Variants in IL1R1 observed in about 807,000 individuals in gnomAD.
IL1R1 encodes the protein interleukin 1 receptor type 1, also known as interleukin-1 receptor type 1.
A neutral mutation model predicts 50.2 loss-of-function variants in IL1R1; 22 were observed. The ratio of observed to expected loss-of-function variants is 0.44; its 90% CI spans 0.31 to 0.63. The LOEUF is 0.63. Ranked by LOEUF, IL1R1 falls within the 20% of genes least tolerant of loss-of-function variation. The pLI is 0.07. For missense variants in IL1R1, 509 were observed against 676.2 expected (o/e 0.75, Z 2.74); for synonymous variants, 251 against 236.7 (o/e 1.06, Z -0.55).
intron 1 of IL1R1, among the ~76,000 whole-genome samples, chr2:102,092,278 GCA>G (rs781048561): frequency 2.9e-4 from 44 of 151,984 alleles, no homozygotes; most frequent in Admixed American, 1.5e-3. Flanking sequence ...CGGGAGGCTG[GCA>G]ATCATCAATT....
exon 1 of IL1R1, chr2:102,104,771 G>A (rs2104346050): frequency 6.6e-6 from 1 of 152,308 alleles, no homozygotes; most frequent in South Asian, 2.1e-4. Flanking sequence ...CAGCTCAGCA[G>A]GCTTCATTTG....
At chr2:102,112,170 G>T (rs1680800981) in intron 1 of IL1R1, among the ~76,000 whole-genome samples, 1 of 152,066 alleles carries the variant, frequency 6.6e-6, no homozygotes, top group African/African-American at 2.4e-5. Context: ...GGTCTTGGTG[G>T]CTCTAAGCCC....
In IL1R1 at chr2:102,157,635, G is replaced by T. The variant is rs55990028; in HGVS notation, c.-6-84G>T. On this transcript the variant is annotated intron_variant, in intron 2 of 11. Coordinates refer to ENST00000410023, the MANE Select transcript of IL1R1 (RefSeq NM_000877.4). ...TGTGGGTGAGGGTGGGGACAGGGCC[G>T]GTGTTGGTATATTTAGTTTTAGAGA... The T allele has an allele frequency of 1.7e-5, 14 of 810,700 alleles. No individual in the cohort carries two copies. In the East Asian group the frequency reaches 3.6e-4, roughly 21 times the overall value. 50.2% of individuals were successfully genotyped at this position (810,700 alleles called of 1,614,324 possible). A position where few individuals can be genotyped will look rare whatever the true frequency, so the allele number is the denominator to read the frequency against.
chr2:102,130,747 C>T (rs972281573), intron 1 of IL1R1, among the ~76,000 whole-genome samples: 4 of 152,184 alleles, frequency 2.6e-5, no homozygotes, highest in Non-Finnish European at 5.9e-5. Context: ...TAAAGAATCT[C>T]AGGCATCTTC....
At chr2:102,102,033 G>T (rs1161345551), upstream of IL1R1, among the ~76,000 whole-genome samples, 1 of 152,164 alleles carries the variant, frequency 6.6e-6, no homozygotes, top group Non-Finnish European at 1.5e-5. Flanking sequence ...AAACAGTGCA[G>T]ATTCCTCCAA....
intron 1 of IL1R1, among the ~76,000 whole-genome samples, chr2:102,135,899 A>G (rs1171133365): frequency 1.3e-5 from 2 of 152,190 alleles, no homozygotes; most frequent in Non-Finnish European, 2.9e-5. Context: ...AAAATAATTT[A>G]AATAGTCATG....
chr2:102,166,594 A>G (rs1447636122), intron 6 of IL1R1, among the ~76,000 whole-genome samples: 2 of 152,152 alleles, frequency 1.3e-5, no homozygotes, highest in East Asian at 1.9e-4. Context: ...TCTGGCTGGT[A>G]TATGGGAATG....
chr2:102,088,486 T>G (rs969068196), intron 1 of IL1R1, among the ~76,000 whole-genome samples: 1 of 152,198 alleles, frequency 6.6e-6, no homozygotes, highest in African/African-American at 2.4e-5. Flanking sequence ...AACCATGCTG[T>G]AAACAGATGT....
chr2:102,117,574 G>A (rs760321774), intron 1 of IL1R1, among the ~76,000 whole-genome samples: 2 of 152,148 alleles, frequency 1.3e-5, no homozygotes, highest in African/African-American at 2.4e-5. Flanking sequence ...CTGAATATCC[G>A]TCCTAATTTT....
intron 5 of IL1R1, 142 bp downstream of exon 5, chr2:102,165,446 G>T (rs1423490123): frequency 6.6e-6 from 3 of 456,230 alleles, no homozygotes; most frequent in Non-Finnish European, 1.1e-5. Context: ...AACCTAAAAA[G>T]AATTGTAAGA....
intron 1 of IL1R1, among the ~76,000 whole-genome samples, chr2:102,136,959 A>G (rs918908729): frequency 1.3e-5 from 2 of 152,220 alleles, no homozygotes; most frequent in African/African-American, 4.8e-5. Context: ...AACACTAGAA[A>G]CAAAATCATT....
chr2:102,077,697 G>A (rs1679032394), intron 1 of IL1R1, among the ~76,000 whole-genome samples: 1 of 152,062 alleles, frequency 6.6e-6, no homozygotes, highest in Admixed American at 6.5e-5. Flanking sequence ...TGGATCGTAG[G>A]CATTGTGAGT....
rs563100400 is a variant in IL1R1 at position 102,128,326 on chromosome 2, C to T, written c.-84+23454C>T. 1.2e-4 allele frequency among the ~76,000 whole-genome samples: 18 copies of T among 152,208 alleles called. No homozygotes were observed. The South Asian group carries it at 1.5e-3, about 12-fold the overall frequency. On this transcript the variant is annotated intron_variant, in intron 1 of 10. Transcript: ENST00000409329. The stretch of plus-strand genomic sequence containing the variant: ...CATAGTAGAAATACTGTCAGGTACA[C>T]GAATTTTCAGTAATTTTCTCAATAC...
At chr2:102,135,719 C>T (rs774657430) in intron 1 of IL1R1, among the ~76,000 whole-genome samples, 1 of 152,092 alleles carries the variant, frequency 6.6e-6, no homozygotes, top group Non-Finnish European at 1.5e-5. Context: ...GTTCTAGAGT[C>T]CCTGAATTAT....
upstream of IL1R1, among the ~76,000 whole-genome samples, chr2:102,138,189 C>A (rs1031202198): frequency 6.6e-6 from 1 of 152,074 alleles, no homozygotes; most frequent in Non-Finnish European, 1.5e-5. Flanking sequence ...AATCAGAAGC[C>A]AGTGGCATGA....
chr2:102,158,028 G>A (rs766593775), intron 3 of IL1R1, among the ~76,000 whole-genome samples: 6 of 152,208 alleles, frequency 3.9e-5, no homozygotes, highest in African/African-American at 7.2e-5. Flanking sequence ...CATGTAGCTA[G>A]TTTTGGAACA....
chr2:102,164,681 A>G, intron 3 of IL1R1, 93 bp from the exon 4 acceptor site: 2 of 765,502 alleles, frequency 2.6e-6, no homozygotes. Context: ...GAATTGATGT[A>G]TTTAATAATC....
chr2:102,130,011 C>A (rs1318160921), intron 1 of IL1R1, among the ~76,000 whole-genome samples: 2 of 152,110 alleles, frequency 1.3e-5, no homozygotes, highest in Non-Finnish European at 2.9e-5. Flanking sequence ...TTTTAAAAAA[C>A]GAAAGTATCA....
chr2:102,082,872 C>T lies in IL1R1; in HGVS notation c.-84+12339C>T, dbSNP rs7420931. Among the ~76,000 whole-genome samples the T allele has an allele frequency of 1.8e-4, 27 of 152,264 alleles. 2 individuals carry two copies. The South Asian group carries it at 5.0e-3, about 28-fold the overall frequency. On this transcript the variant is annotated intron_variant, in intron 1 of 11. Coordinates refer to the IL1R1 transcript ENST00000409929. ...GATTGTTAAGAGTTTTAAAATTTTTCTAATCACTAAGCATGTTAGGAAACC... is the reference window on the plus strand; with the variant it reads ...GATTGTTAAGAGTTTTAAAATTTTTTTAATCACTAAGCATGTTAGGAAACC...
Sources: gnomAD v4.1 joint callset for allele counts (sites outside exome capture counted in the v4.1 genomes callset) on GRCh38, gnomAD v4.1.1 for gene constraint, MANE v1.5 for transcripts, NCBI Gene and HGNC (gene_info 2026-07-23, HGNC 2026-07-21) for gene names.